Variants in UNC13B observed in about 807,000 individuals in gnomAD.
UNC13B encodes unc-13 homolog B, also known as protein unc-13 homolog B.
A neutral mutation model predicts 211.0 loss-of-function variants in UNC13B; 144 were observed. The observed-to-expected ratio is 0.68, with a 90% CI of 0.60 to 0.78. The LOEUF (loss-of-function observed/expected upper bound fraction) is 0.78, where lower values mean the gene tolerates loss of function less well. Ranked by LOEUF, UNC13B falls within the 30% of genes least tolerant of loss-of-function variation. The probability of loss-of-function intolerance (pLI) is 0.00; values close to 1 mark genes in which losing one functional copy is unlikely to be tolerated. For synonymous variants in UNC13B, 709 were observed against 725.8 expected (o/e 0.98, Z 0.37); for missense variants, 1,777 against 2,002.0 (o/e 0.89, Z 2.14).
intron 2 of UNC13B, among the ~76,000 whole-genome samples, chr9:35,228,852 T>C (rs1825030212): frequency 6.6e-6 from 1 of 152,004 alleles, no homozygotes; most frequent in African/African-American, 2.4e-5. Flanking sequence ...TGATTAATAT[T>C]TAGGTTCCCA....
chr9:35,250,291 G>A (rs557453737), intron 6 of UNC13B, among the ~76,000 whole-genome samples: 33 of 152,098 alleles, frequency 2.2e-4, no homozygotes, highest in African/African-American at 7.7e-4. Flanking sequence ...TCATTGCCCC[G>A]TAAAGAAACC....
intron 7 of UNC13B, among the ~76,000 whole-genome samples, chr9:35,272,138 A>T (rs755968032): frequency 1.6e-4 from 24 of 151,944 alleles, no homozygotes; most frequent in Non-Finnish European, 4.4e-5. Context: ...CCTGATTAAG[A>T]TGATCTCAGT....
chr9:35,177,810 GC>G (rs1821720806), intron 1 of UNC13B, among the ~76,000 whole-genome samples: 1 of 152,192 alleles, frequency 6.6e-6, no homozygotes, highest in South Asian at 2.1e-4. Flanking sequence ...TAAGCATGAT[GC>G]AAGACACAAA....
intron 6 of UNC13B, among the ~76,000 whole-genome samples, chr9:35,246,122 T>C (rs1564090261): frequency 6.6e-6 from 1 of 152,210 alleles, no homozygotes; most frequent in Non-Finnish European, 1.5e-5. Flanking sequence ...CATTTTTTCA[T>C]GTGTCTGTTG....
At chr9:35,252,234 A>C (rs1826537429) in intron 6 of UNC13B, among the ~76,000 whole-genome samples, 1 of 152,238 alleles carries the variant, frequency 6.6e-6, no homozygotes, top group Non-Finnish European at 1.5e-5. Context: ...CATTTCATTC[A>C]TTATGATGTT....
At chr9:35,191,755 G>A (rs1413934585) in intron 1 of UNC13B, among the ~76,000 whole-genome samples, 2 of 152,202 alleles carry the variant, frequency 1.3e-5, no homozygotes, top group African/African-American at 4.8e-5. Context: ...GTATTGCCAC[G>A]TGGTTACACG....
At chr9:35,285,460 T>G (rs1452312041) in intron 7 of UNC13B, among the ~76,000 whole-genome samples, 1 of 152,218 alleles carries the variant, frequency 6.6e-6, no homozygotes, top group African/African-American at 2.4e-5. Flanking sequence ...GGTTCACTCC[T>G]GTAATCCCAG....
At chr9:35,227,499 G>A (rs1287280206) in intron 1 of UNC13B, among the ~76,000 whole-genome samples, 2 of 152,108 alleles carry the variant, frequency 1.3e-5, no homozygotes, top group Non-Finnish European at 2.9e-5. Context: ...TCTTTCCTGT[G>A]TAGTTCTCTA....
intron 1 of UNC13B, among the ~76,000 whole-genome samples, chr9:35,217,525 A>T (rs890799103): frequency 6.6e-6 from 1 of 151,564 alleles, no homozygotes; most frequent in Non-Finnish European, 1.5e-5. Context: ...AGTAGCTGGG[A>T]CTACAGGGGC....
intron 7 of UNC13B, among the ~76,000 whole-genome samples, chr9:35,286,005 C>T (rs574946458): frequency 7.2e-5 from 11 of 152,200 alleles, no homozygotes; most frequent in Admixed American, 1.3e-4. Flanking sequence ...ATTTTTAACA[C>T]TGTAAATACA....
chr9:35,380,834 A>G (rs1834778121), intron 18 of UNC13B, among the ~76,000 whole-genome samples, 195 bp downstream of exon 18: 1 of 152,110 alleles, frequency 6.6e-6, no homozygotes, highest in Non-Finnish European at 1.5e-5. Flanking sequence ...CTCTGGCTGA[A>G]TGTTCTCTAG....
At chr9:35,181,217 A>G (rs1159882380) in intron 1 of UNC13B, among the ~76,000 whole-genome samples, 1 of 151,982 alleles carries the variant, frequency 6.6e-6, no homozygotes, top group African/African-American at 2.4e-5. Context: ...AGGGACCCTT[A>G]TTTTTCTTAT....
chr9:35,324,281 G>A (rs549082383), intron 11 of UNC13B, among the ~76,000 whole-genome samples: 13 of 152,194 alleles, frequency 8.5e-5, no homozygotes, highest in South Asian at 6.2e-4. Context: ...TATTATACAC[G>A]GTTCTATGTC....
intron 11 of UNC13B, among the ~76,000 whole-genome samples, chr9:35,314,579 G>A (rs923019193): frequency 8.5e-5 from 13 of 152,066 alleles, no homozygotes; most frequent in Non-Finnish European, 1.6e-4. Flanking sequence ...GGAGGTACCC[G>A]TGCAGTTTTG....
intron 11 of UNC13B, among the ~76,000 whole-genome samples, chr9:35,329,471 C>G (rs1564140172): frequency 6.6e-6 from 1 of 151,506 alleles, no homozygotes; most frequent in East Asian, 1.9e-4. Flanking sequence ...TCTTGGATTT[C>G]TAATATCCAG....
At chr9:35,364,426 A>T in intron 11 of UNC13B, 2 of 1,029,094 alleles carry the variant, frequency 1.9e-6, no homozygotes, top group South Asian at 1.6e-5. Flanking sequence ...TGTCCCGAGG[A>T]CCTCTCCCTC....
chr9:35,303,407 AC>A lies in UNC13B; in HGVS notation c.4005del (p.Asn1336ThrfsTer15), dbSNP rs918110796. The A allele has an allele frequency of 7.5e-5, 30 of 398,656 alleles. No homozygotes were observed. Among genetic ancestry groups the A allele is most frequent in the Non-Finnish European group, 1.2e-4 (28 of 225,834 alleles). 24.7% of individuals were successfully genotyped at this position (398,656 alleles called of 1,614,324 possible). On this transcript the variant is annotated frameshift_variant, in exon 9 of 40. Coordinates refer to ENST00000635942, the MANE Select transcript of UNC13B (RefSeq NM_001371189.2). LOFTEE classifies it high-confidence loss of function. The part of the protein sequence containing the change: ...SNKLNSPVLN[T>X]NILNKSNNYQ... ...CAAGTTAAATTCACCTGTACTAAAT[AC>A]CAACATTCTCAATAAATCAAACAAC...
At chr9:35,223,532 T>A (rs549033761) in intron 1 of UNC13B, among the ~76,000 whole-genome samples, 2 of 150,430 alleles carry the variant, frequency 1.3e-5, no homozygotes, top group South Asian at 4.2e-4. Context: ...TTAATGGGAT[T>A]TTTTTTTTTG....
rs945924704 is a variant in UNC13B at position 35,307,589 on chromosome 9, C to G, written c.8185C>G (p.Leu2729Val). The change falls in exon 9 of 40, where the codon CTG becomes GTG. Residue 2729 changes from leucine (L) to valine (V), a missense_variant. Leu to Val is a conservative substitution (Grantham distance 32). Transcript: ENST00000635942. Reference sequence around the variant, plus strand: ...CGAAGGGCACTTTTCTCATCCTCTGCTGGAGGACCCTGTGCTTGCTGCCAG... The same window carrying G: ...CGAAGGGCACTTTTCTCATCCTCTGGTGGAGGACCCTGTGCTTGCTGCCAG... ...ETEGHFSHPLLEDPVLAARES... is the reference protein window; with the variant it reads ...ETEGHFSHPLVEDPVLAARES... 7 of 399,106 alleles carry G rather than the reference C, an allele frequency of 1.8e-5. No homozygotes were observed. The highest frequency in any genetic ancestry group is 6.2e-4 in the Middle Eastern group (1 of 1,610). The allele number at this position is 399,106 out of a possible 1,614,324, so 24.7% of individuals were successfully genotyped here.
Sources: allele counts gnomAD v4.1 joint callset (sites outside exome capture counted in the v4.1 genomes callset), GRCh38; gene constraint gnomAD v4.1.1; transcripts MANE v1.5; gene names NCBI Gene and HGNC (gene_info 2026-07-23, HGNC 2026-07-21).